Variants in C21orf58 observed in about 807,000 individuals in gnomAD.
C21orf58 encodes chromosome 21 open reading frame 58.
C21orf58 carries 34 observed loss-of-function variants against 35.8 expected under a neutral mutation model. The observed-to-expected ratio is 0.95, with a 90% CI of 0.72 to 1.26. C21orf58 has a LOEUF of 1.26. Among genes scored for constraint, C21orf58 ranks in the 50% most tolerant of loss-of-function variants. The probability of loss-of-function intolerance (pLI) is 0.00; values close to 1 mark genes in which losing one functional copy is unlikely to be tolerated. For synonymous variants in C21orf58, 191 were observed against 175.8 expected (o/e 1.09, Z -0.68); for missense variants, 440 against 414.3 (o/e 1.06, Z -0.54).
chr21:46,301,201 G>T lies in C21orf58; in HGVS notation c.*798C>A. 2 of 511,874 alleles carry T rather than the reference G, an allele frequency of 3.9e-6. No individual in the cohort carries two copies. Among genetic ancestry groups the T allele is most frequent in the Non-Finnish European group, 5.0e-6 (2 of 396,618 alleles). The allele number at this position is 511,874 out of a possible 1,614,324, so 31.7% of individuals were successfully genotyped here. ...CTGTGGTCCAGGCTATAGTGCAGTG[G>T]TTCCATCAGAGCTCACTGCAGCTTC... On this transcript the variant is annotated 3_prime_UTR_variant, in exon 8 of 8. Transcript: ENST00000291691.
chr21:46,321,262 A>G (rs1430551158), intron 1 of C21orf58, among the ~76,000 whole-genome samples: 2 of 152,018 alleles, frequency 1.3e-5, no homozygotes, highest in African/African-American at 4.8e-5. Context: ...TCTGCTTCCC[A>G]GTTTCAAGCG....
chr21:46,311,367 C>A, intron 6 of C21orf58, 89 bp downstream of exon 6: 1 of 617,854 alleles, frequency 1.6e-6, no homozygotes, highest in Non-Finnish European at 2.7e-6. Context: ...CAAAAGCTGG[C>A]CCTAAGTGAC....
chr21:46,311,671 C>T, intron 5 of C21orf58, 104 bp from the exon 6 acceptor site: 1 of 560,962 alleles, frequency 1.8e-6, no homozygotes, highest in Non-Finnish European at 3.1e-6. Flanking sequence ...AACCAACCAA[C>T]CAACCATCCA....
At chr21:46,319,329 A>C (rs1327543702) in intron 1 of C21orf58, among the ~76,000 whole-genome samples, 15 of 152,294 alleles carry the variant, frequency 9.8e-5, no homozygotes, top group Admixed American at 3.3e-4. Flanking sequence ...GTCAGCATGA[A>C]ACCAGGCCTT....
At chr21:46,300,805 G>A, downstream of C21orf58, 5 of 1,286,552 alleles carry the variant, frequency 3.9e-6, no homozygotes, top group Admixed American at 2.3e-5. Flanking sequence ...CTAATAGGGG[G>A]TGAATGAAAG....
chr21:46,315,577 G>A, intron 3 of C21orf58, 30 bp from the exon 4 acceptor site: 1 of 1,485,468 alleles, frequency 6.7e-7, no homozygotes, highest in South Asian at 1.1e-5. Flanking sequence ...TGCTTACCAA[G>A]GAACGCGTAG....
chr21:46,314,716 C>T lies in C21orf58; in HGVS notation c.609G>A (p.Thr203=), dbSNP rs1240225001. The T allele has an allele frequency of 7.5e-6, 11 of 1,458,526 alleles. No homozygotes were observed. Among genetic ancestry groups the T allele is most frequent in the Middle Eastern group, 1.9e-4 (1 of 5,334 alleles). 90.3% of individuals were successfully genotyped at this position (1,458,526 alleles called of 1,614,324 possible). A position where few individuals can be genotyped will look rare whatever the true frequency, so the allele number is the denominator to read the frequency against. Residue 203 remains threonine (T), a splice_region_variant and synonymous_variant, in exon 5 of 8, where the codon ACG becomes ACA. Transcript: ENST00000291691. ...APDPPRIILP[T]VPQPPATIIQ... is the part of the protein sequence containing the mutation. The stretch of plus-strand genomic sequence containing the variant: ...GTGCTCCTCGACTTCGCCCTCTTAC[C>T]GTAGGCAGGATGATCCTTGGCGGGT...
rs111754866 is a variant in C21orf58 at position 46,323,395 on chromosome 21, C to CT, written c.-658dup. On this transcript the variant is annotated 5_prime_UTR_variant, in exon 1 of 8. Transcript: ENST00000291691. ...CTGTCTACTAAAAACCTTTTCTTTT[C>CT]TTTTTTTTTTGAGACCTAAGACATC... The CT allele has an allele frequency of 0.16, 24,562 of 150,520 alleles. 2,263 individuals carry two copies. Among genetic ancestry groups the CT allele is most frequent in the Middle Eastern group, 0.27 (78 of 294 alleles). The allele number at this position is 150,520 out of a possible 1,614,324, so 9.3% of individuals were successfully genotyped here. A position where few individuals can be genotyped will look rare whatever the true frequency, so the allele number is the denominator to read the frequency against.
Position 46,301,724 on chromosome 21 carries a change from G to C in C21orf58, c.*275C>G. On this transcript the variant is annotated 3_prime_UTR_variant, in exon 8 of 8. Transcript: ENST00000291691. ...TGGGCCGGCGCCGCCCTACAGGAAA[G>C]GAGGGGTCCCTGGGAGGGGCTGTTG... 1.7e-6 allele frequency: 2 copies of C among 1,201,586 alleles called. No individual in the cohort carries two copies. Among genetic ancestry groups the C allele is most frequent in the Non-Finnish European group, 2.1e-6 (2 of 968,792 alleles). 74.4% of individuals were successfully genotyped at this position (1,201,586 alleles called of 1,614,324 possible).
chr21:46,315,846 G>A lies in C21orf58; in HGVS notation c.371-299C>T, dbSNP rs1474329745. Among the ~76,000 whole-genome samples the A allele has an allele frequency of 2.0e-5, 3 of 152,164 alleles. No homozygotes were observed. The East Asian group carries it at 5.8e-4, about 29-fold the overall frequency. On this transcript the variant is annotated intron_variant, in intron 3 of 7. Coordinates refer to ENST00000291691, the MANE Select transcript of C21orf58 (RefSeq NM_058180.5). ...TGACGCGACCAGGTTCCTCCTGAGT[G>A]CATTTCATACAGAGTGCCCTGGGCT...
chr21:46,302,198 T>C, intron 7 of C21orf58, 44 bp from the exon 8 acceptor site: 1 of 1,434,574 alleles, frequency 7.0e-7, no homozygotes, highest in Non-Finnish European at 9.1e-7. Context: ...CCCAGGCTGC[T>C]CCCCACCTCC....
At chr21:46,317,315 G>C (rs1236584866) in intron 2 of C21orf58, 47 bp from the exon 3 acceptor site, 19 of 1,595,304 alleles carry the variant, frequency 1.2e-5, no homozygotes, top group Non-Finnish European at 1.5e-5. Context: ...CCACGCAAAG[G>C]CCCTGTGTGC....
rs915006645 is a variant in C21orf58 at position 46,301,483 on chromosome 21, G to A, written c.*516C>T. Reference sequence around the variant, plus strand: ...AGTCTGTGCCACAGCTGTGGACACAGGTGTCCCTAGTTATTAAATTAGACT... The same window carrying A: ...AGTCTGTGCCACAGCTGTGGACACAAGTGTCCCTAGTTATTAAATTAGACT... On this transcript the variant is annotated 3_prime_UTR_variant, in exon 8 of 8. Transcript: ENST00000291691. 9 of 982,410 alleles carry A rather than the reference G, an allele frequency of 9.2e-6. No homozygotes were observed. Among genetic ancestry groups the A allele is most frequent in the Non-Finnish European group, 1.1e-5 (9 of 827,598 alleles). The allele number at this position is 982,410 out of a possible 1,614,324, so 60.9% of individuals were successfully genotyped here.
intron 5 of C21orf58, among the ~76,000 whole-genome samples, chr21:46,312,443 C>T (rs970217797): frequency 1.3e-5 from 2 of 152,096 alleles, no homozygotes; most frequent in African/African-American, 2.4e-5. Flanking sequence ...CTCAGCCTCC[C>T]GAGTAGCTGG....
intron 3 of C21orf58, 108 bp from the exon 4 acceptor site, chr21:46,315,655 C>CA: frequency 1.3e-6 from 1 of 742,136 alleles, no homozygotes; most frequent in Non-Finnish European, 2.4e-6. Flanking sequence ...GCCTCACCCA[C>CA]ACTCCCAGGA....
Position 46,302,247 on chromosome 21 carries a change from G to A in C21orf58, c.814-93C>T, listed in dbSNP as rs985498795. On this transcript the variant is annotated intron_variant, in intron 7 of 7. Transcript: ENST00000291691. ...TCCTAACTGGGGCTGGATCCCATGT[G>A]ATAGGCAGGATGGCAGGGTCTAAGC... is the stretch of plus-strand genomic sequence containing the variant. 12 of 1,431,808 alleles carry A rather than the reference G, an allele frequency of 8.4e-6. No individual in the cohort carries two copies. In the Admixed American group the frequency reaches 1.4e-4, roughly 17 times the overall value. 88.7% of individuals were successfully genotyped at this position (1,431,808 alleles called of 1,614,324 possible).
At chr21:46,321,178 A>T (rs2015083) in intron 1 of C21orf58, among the ~76,000 whole-genome samples, 40,207 of 151,612 alleles carry the variant, frequency 0.27, 5,434 homozygotes, top group Middle Eastern at 0.33. Context: ...ATATATATAT[A>T]TTTTTTTTGA....
At chr21:46,313,956 GGGTGCCT>G (rs2082857251) in intron 5 of C21orf58, among the ~76,000 whole-genome samples, 1 of 152,032 alleles carries the variant, frequency 6.6e-6, no homozygotes, top group African/African-American at 2.4e-5. Context: ...TCCCACCTCT[GGGTGCCT>G]GGTTTCCCTC....
intron 6 of C21orf58, among the ~76,000 whole-genome samples, chr21:46,306,228 G>A (rs2082411393): frequency 6.6e-6 from 1 of 152,144 alleles, no homozygotes; most frequent in African/African-American, 2.4e-5. Flanking sequence ...TAAAGGTAGG[G>A]CCGGGCATGG....
Sources: allele counts gnomAD v4.1 joint callset (sites outside exome capture counted in the v4.1 genomes callset), GRCh38; gene constraint gnomAD v4.1.1; transcripts MANE v1.5; gene names NCBI Gene and HGNC (gene_info 2026-07-23, HGNC 2026-07-21).